Variants in UNC5A observed in about 807,000 individuals in gnomAD.
UNC5A encodes unc-5 netrin receptor A.
In UNC5A, 20 loss-of-function variants were observed where a neutral mutation model predicts 87.4. The observed-to-expected ratio is 0.23, with a 90% CI of 0.16 to 0.33. The LOEUF is 0.33. Ranked by LOEUF, UNC5A falls within the 10% of genes least tolerant of loss-of-function variation. The pLI is 1.00. For synonymous variants in UNC5A, 438 were observed against 482.3 expected (o/e 0.91, Z 1.20); for missense variants, 844 against 1,133.4 (o/e 0.74, Z 3.67).
chr5:176,846,382 AG>A (rs908191332), intron 1 of UNC5A, among the ~76,000 whole-genome samples: 2 of 151,034 alleles, frequency 1.3e-5, no homozygotes, highest in African/African-American at 2.4e-5. Flanking sequence ...CTGAGTAGGG[AG>A]GGGGAAAGAG....
In UNC5A at chr5:176,880,050, C is replaced by T; in HGVS notation, c.*164C>T. ...GCTGGTCCTTCAGACCCTGCCCGAA[C>T]TCCCACCTCTCCATGGCCTGCCTAG... On this transcript the variant is annotated 3_prime_UTR_variant, in exon 15 of 15. Coordinates refer to ENST00000329542, the MANE Select transcript of UNC5A (RefSeq NM_133369.3). The T allele has an allele frequency of 3.3e-6, 3 of 918,912 alleles. No individual in the cohort carries two copies. Among genetic ancestry groups the T allele is most frequent in the Non-Finnish European group, 3.2e-6 (2 of 632,356 alleles). The allele number at this position is 918,912 out of a possible 1,614,324, so 56.9% of individuals were successfully genotyped here. A position where few individuals can be genotyped will look rare whatever the true frequency, so the allele number is the denominator to read the frequency against.
In UNC5A at chr5:176,868,963, C is replaced by T. The variant is rs775384977; in HGVS notation, c.720C>T (p.Tyr240=). The T allele has an allele frequency of 1.2e-5, 19 of 1,596,316 alleles. No individual in the cohort carries two copies. The highest frequency in any genetic ancestry group is 1.7e-4 in the Middle Eastern group (1 of 6,002). Residue 240 remains tyrosine (Y), a splice_region_variant and synonymous_variant, in exon 5 of 15, where the codon TAC becomes TAT. Coordinates refer to ENST00000329542, the MANE Select transcript of UNC5A (RefSeq NM_133369.3). The part of the protein sequence containing the change: ...RRSASAAVIV[Y]VDGSWSPWSK... ...GCGCCTCCGCTGCTGTCATCGTCTACGGTGGGCCCCGGGACTCCCTGGTCA... is the reference window on the plus strand; with the variant it reads ...GCGCCTCCGCTGCTGTCATCGTCTATGGTGGGCCCCGGGACTCCCTGGTCA...
intron 13 of UNC5A, 140 bp downstream of exon 13, chr5:176,878,779 CCCCTTG>C: frequency 1.8e-6 from 2 of 1,138,856 alleles, no homozygotes; most frequent in Non-Finnish European, 2.5e-6. Context: ...CTCCTAGAAA[CCCCTTG>C]GCAGCTTCCT....
intron 13 of UNC5A, 22 bp from the exon 14 acceptor site, chr5:176,879,288 C>T: frequency 6.4e-7 from 1 of 1,565,260 alleles, no homozygotes; most frequent in Admixed American, 1.9e-5. Flanking sequence ...CTAACAGGCA[C>T]CTCTTTCCCT....
At chr5:176,815,140 T>C (rs1756557664) in intron 1 of UNC5A, among the ~76,000 whole-genome samples, 1 of 152,200 alleles carries the variant, frequency 6.6e-6, no homozygotes, top group South Asian at 2.1e-4. Flanking sequence ...TGGCATGGAT[T>C]TTCCCAGAGT....
intron 1 of UNC5A, among the ~76,000 whole-genome samples, chr5:176,831,810 C>T (rs1757031230): frequency 6.6e-6 from 1 of 152,104 alleles, no homozygotes; most frequent in Non-Finnish European, 1.5e-5. Context: ...CCAAAGCCCA[C>T]TCAAGCTGGT....
rs991089495 is a variant in UNC5A, at chr5:176,869,185, G to A, written c.721+221G>A. Among the ~76,000 whole-genome samples the A allele has an allele frequency of 3.9e-5, 6 of 152,264 alleles. No homozygotes were observed. The highest frequency in any genetic ancestry group is 1.9e-4 in the East Asian group (1 of 5,186). The stretch of plus-strand genomic sequence containing the variant: ...AGATTGGAGGTCCTTTGTGGGCAGC[G>A]GGCATTGTGCAGAAGGAGATGAGGG... On this transcript the variant is annotated intron_variant, in intron 5 of 14. Transcript: ENST00000329542. The surrounding 1 kb of genome is among the most constrained non-coding windows in gnomAD (Gnocchi z 9.1).
intron 8 of UNC5A, among the ~76,000 whole-genome samples, chr5:176,876,094 G>T (rs1758256127): frequency 6.6e-6 from 1 of 152,258 alleles, no homozygotes; most frequent in Non-Finnish European, 1.5e-5. Context: ...GCTGGGCTAA[G>T]AACTTCATGA....
chr5:176,857,798 G>A (rs148843078), intron 1 of UNC5A, among the ~76,000 whole-genome samples: 339 of 152,310 alleles, frequency 2.2e-3, no homozygotes, highest in African/African-American at 7.7e-3. Flanking sequence ...CCAAGCGCCC[G>A]TCAGGAATCT....
chr5:176,848,967 C>T lies in UNC5A; in HGVS notation c.71-13657C>T, dbSNP rs1561653951. On this transcript the variant is annotated intron_variant, in intron 1 of 14. Transcript: ENST00000329542. The surrounding 1 kb of genome is among the most constrained non-coding windows in gnomAD (Gnocchi z 5.8). ...GGACAGCCGACCTCTCCGCCTCTGT[C>T]CAGGCCCAGGGGCCTTCTTTTGGGG... Among the ~76,000 whole-genome samples, 1 of 152,254 alleles carries T rather than the reference C, an allele frequency of 6.6e-6. No homozygotes were observed. Among genetic ancestry groups the T allele is most frequent in the Non-Finnish European group, 1.5e-5 (1 of 68,046 alleles).
Position 176,868,682 on chromosome 5 carries a change from GC to G in UNC5A, c.540+21del. 1 of 1,600,376 alleles carries G rather than the reference GC, an allele frequency of 6.2e-7. No homozygotes were observed. The highest frequency in any genetic ancestry group is 2.3e-5 in the East Asian group (1 of 44,428). ...CAGCCGAGGTGAGGGCTCCTCTAGT[GC>G]CCACGTCTGGACCTGGGCTCCTGCC... On this transcript the variant is annotated intron_variant, in intron 4 of 14. Coordinates refer to ENST00000329542, the MANE Select transcript of UNC5A (RefSeq NM_133369.3).
At position 176,868,363 on chromosome 5, in the gene UNC5A, C is replaced by T. The variant is rs183051657; in HGVS notation, c.436+90C>T. 1,199 of 1,577,080 alleles carry T rather than the reference C, an allele frequency of 7.6e-4. 8 individuals are homozygous for T. The African/African-American group carries it at 0.014, about 19-fold the overall frequency. On this transcript the variant is annotated intron_variant, in intron 3 of 14. Coordinates refer to ENST00000329542, the MANE Select transcript of UNC5A (RefSeq NM_133369.3). ...AGTAGGCTTCCTGGAAGAGGCGGTC[C>T]GGTCAGAAAACCTCACAGCCCTGCC... is the stretch of plus-strand genomic sequence containing the variant.
In UNC5A at chr5:176,865,506, C is replaced by T. The variant is rs1048158023; in HGVS notation, c.293-2624C>T. The stretch of plus-strand genomic sequence containing the variant: ...GCTTGGGACACGTCCCACCCGTAAC[C>T]GCCAGGGTCCTCTTCTGCCCCGAGC... On this transcript the variant is annotated intron_variant, in intron 2 of 14. Transcript: ENST00000329542. The surrounding 1 kb of genome is among the most constrained non-coding windows in gnomAD (Gnocchi z 5.3). 2 of 441,742 alleles carry T rather than the reference C, an allele frequency of 4.5e-6. No homozygotes were observed. Among genetic ancestry groups the T allele is most frequent in the African/African-American group, 2.0e-5 (1 of 49,608 alleles). 27.4% of individuals were successfully genotyped at this position (441,742 alleles called of 1,614,324 possible). A position where few individuals can be genotyped will look rare whatever the true frequency, so the allele number is the denominator to read the frequency against.
chr5:176,873,519 C>A lies in UNC5A; in HGVS notation c.887-449C>A, dbSNP rs764293488. Among the ~76,000 whole-genome samples the A allele has an allele frequency of 9.2e-5, 14 of 152,258 alleles. No homozygotes were observed. The South Asian group carries it at 2.1e-3, about 23-fold the overall frequency. On this transcript the variant is annotated intron_variant, in intron 6 of 14. Coordinates refer to ENST00000329542, the MANE Select transcript of UNC5A (RefSeq NM_133369.3). ...GGGGAGGCAGACAGAGAGAAGGGCC[C>A]CCAAACCCCTGCTCCTGGTCTAGGC...
At chr5:176,820,896 C>A (rs994296638) in intron 1 of UNC5A, among the ~76,000 whole-genome samples, 11 of 152,204 alleles carry the variant, frequency 7.2e-5, no homozygotes, top group Non-Finnish European at 5.9e-5. Context: ...AGCTGCAGAG[C>A]CTGCTCTTTA....
intron 1 of UNC5A, among the ~76,000 whole-genome samples, chr5:176,858,720 AGAGAAGGAAG>A (rs1322491891): frequency 5.8e-5 from 5 of 85,602 alleles, no homozygotes; most frequent in African/African-American, 1.7e-4. Context: ...AAAGAGAGAG[AGAGAAGGAAG>A]GAAGGAAGGA....
intron 1 of UNC5A, among the ~76,000 whole-genome samples, chr5:176,837,014 A>G (rs6884743): frequency 1.2e-4 from 19 of 152,162 alleles, no homozygotes; most frequent in African/African-American, 4.6e-4. Context: ...GTCTCTGTGT[A>G]TGTGTGAGTC....
At chr5:176,839,546 C>T (rs1757222253) in intron 1 of UNC5A, among the ~76,000 whole-genome samples, 1 of 152,204 alleles carries the variant, frequency 6.6e-6, no homozygotes, top group African/African-American at 2.4e-5. Context: ...GTGCCCAGGT[C>T]ACATGGCCTA....
intron 1 of UNC5A, among the ~76,000 whole-genome samples, chr5:176,816,166 A>C (rs951145407): frequency 2.0e-5 from 3 of 152,250 alleles, no homozygotes; most frequent in Non-Finnish European, 2.9e-5. Context: ...TGCACTCAGC[A>C]GCAGGCTCCC....
Sources: allele counts gnomAD v4.1 joint callset (sites outside exome capture counted in the v4.1 genomes callset), GRCh38; gene constraint gnomAD v4.1.1; non-coding constraint Gnocchi (gnomAD v3.1); transcripts MANE v1.5; gene names NCBI Gene and HGNC (gene_info 2026-07-23, HGNC 2026-07-21).